ZFAND3: variants seen among roughly 807,000 people sequenced by gnomAD.
ZFAND3 encodes AN1-type zinc finger protein 3.
A neutral mutation model predicts 29.6 loss-of-function variants in ZFAND3; 10 were observed. That is an observed-to-expected ratio of 0.34 (90% confidence interval 0.21 to 0.57). ZFAND3 has a LOEUF of 0.57. Among genes scored for constraint, ZFAND3 ranks in the 20% least tolerant of loss-of-function variants. The pLI, the probability that ZFAND3 is intolerant of heterozygous loss-of-function variation, is 0.86. For synonymous variants in ZFAND3, 128 were observed against 112.6 expected (o/e 1.14, Z -0.87); for missense variants, 230 against 304.5 (o/e 0.76, Z 1.82).
intron 3 of ZFAND3, among the ~76,000 whole-genome samples, chr6:38,074,146 C>CT (rs1250581835): frequency 5.9e-5 from 9 of 152,034 alleles, no homozygotes; most frequent in African/African-American, 2.2e-4. Flanking sequence ...TCCCCAAGTC[C>CT]CTCTTAGGGC....
At chr6:37,959,490 C>T (rs1250223337) in intron 2 of ZFAND3, among the ~76,000 whole-genome samples, 2 of 152,066 alleles carry the variant, frequency 1.3e-5, no homozygotes, top group East Asian at 3.8e-4. Context: ...TTAGCCTATT[C>T]TCTGTTGGTT....
At chr6:37,829,801 A>G (rs1763827925) in intron 1 of ZFAND3, among the ~76,000 whole-genome samples, 1 of 152,192 alleles carries the variant, frequency 6.6e-6, no homozygotes, top group African/African-American at 2.4e-5. Context: ...GATCTTCTTC[A>G]GGGAATATTG....
chr6:38,030,591 A>G (rs1363215549), intron 2 of ZFAND3, among the ~76,000 whole-genome samples: 6 of 152,324 alleles, frequency 3.9e-5, no homozygotes, highest in East Asian at 3.9e-4. Context: ...TGATTGTTCA[A>G]CAGAAACAAT....
At chr6:38,080,887 A>G (rs1764648432) in intron 3 of ZFAND3, among the ~76,000 whole-genome samples, 1 of 152,182 alleles carries the variant, frequency 6.6e-6, no homozygotes, top group South Asian at 2.1e-4. Context: ...ATTTTAGTCC[A>G]TTACACTTTA....
At chr6:38,079,784 G>A (rs1392710486) in intron 3 of ZFAND3, among the ~76,000 whole-genome samples, 2 of 152,090 alleles carry the variant, frequency 1.3e-5, no homozygotes, top group East Asian at 3.8e-4. Flanking sequence ...TTTACATTGT[G>A]CTCAGCTGGT....
intron 1 of ZFAND3, among the ~76,000 whole-genome samples, chr6:37,896,514 T>TCTTCTTTCTTTCTTTC (rs1554153802): frequency 9.2e-6 from 1 of 109,100 alleles, no homozygotes; most frequent in Non-Finnish European, 1.9e-5. Flanking sequence ...TTCCTCTTTC[T>TCTTCTTTCTTTCTTTC]TTTCTTTCTT....
chr6:38,014,261 A>G (rs752180742), intron 2 of ZFAND3, among the ~76,000 whole-genome samples: 5 of 152,050 alleles, frequency 3.3e-5, no homozygotes, highest in African/African-American at 7.2e-5. Context: ...TTGTTAACAC[A>G]GATAAATCAC....
chr6:38,134,200 T>C (rs955657229), intron 5 of ZFAND3, among the ~76,000 whole-genome samples: 5 of 152,208 alleles, frequency 3.3e-5, no homozygotes, highest in African/African-American at 1.2e-4. Context: ...CTGGGTAATA[T>C]GAGACACAGT....
intron 1 of ZFAND3, among the ~76,000 whole-genome samples, chr6:37,903,568 G>C (rs1765357147): frequency 6.6e-6 from 1 of 152,210 alleles, no homozygotes; most frequent in Admixed American, 6.5e-5. Context: ...AGATGGAATA[G>C]CAAGAGTATG....
intron 2 of ZFAND3, among the ~76,000 whole-genome samples, chr6:37,972,196 A>G (rs1307619977): frequency 1.8e-4 from 28 of 152,124 alleles, no homozygotes; most frequent in Non-Finnish European, 2.9e-5. Flanking sequence ...CACTCAGCAC[A>G]TTACCCATTT....
Position 38,154,484 on chromosome 6 carries a change from A to G in ZFAND3, c.*2095A>G, listed in dbSNP as rs1368018699. 2.0e-6 allele frequency: 2 copies of G among 983,920 alleles called. No homozygotes were observed. Among genetic ancestry groups the G allele is most frequent in the Admixed American group, 6.1e-5 (1 of 16,268 alleles). 60.9% of individuals were successfully genotyped at this position (983,920 alleles called of 1,614,324 possible). Reference sequence around the variant, plus strand: ...TCTTTAAAAGAGAAAATCTTATTTAACCCTTTTGTGTTCTAGATTTACTTA... The same window carrying G: ...TCTTTAAAAGAGAAAATCTTATTTAGCCCTTTTGTGTTCTAGATTTACTTA... On this transcript the variant is annotated 3_prime_UTR_variant, in exon 6 of 6. Coordinates refer to ENST00000287218, the MANE Select transcript of ZFAND3 (RefSeq NM_021943.3).
At chr6:38,054,559 G>A (rs1396195592) in intron 2 of ZFAND3, among the ~76,000 whole-genome samples, 3 of 152,166 alleles carry the variant, frequency 2.0e-5, no homozygotes, top group African/African-American at 7.2e-5. Context: ...AAAGAAGATA[G>A]TCTGATTTTT....
intron 2 of ZFAND3, among the ~76,000 whole-genome samples, chr6:38,037,135 A>G (rs758233953): frequency 6.6e-6 from 1 of 152,218 alleles, no homozygotes; most frequent in Non-Finnish European, 1.5e-5. Context: ...TCAATCTTTT[A>G]GTGAATAGAG....
chr6:37,984,200 G>A (rs150577827), intron 2 of ZFAND3, among the ~76,000 whole-genome samples: 529 of 152,292 alleles, frequency 3.5e-3, no homozygotes, highest in Non-Finnish European at 5.9e-3. Context: ...GACCAATATG[G>A]TAATTGCAAG....
intron 1 of ZFAND3, 45 bp from the exon 2 acceptor site, chr6:37,929,914 G>A (rs1418730213): frequency 6.4e-7 from 1 of 1,556,988 alleles, no homozygotes; most frequent in Admixed American, 1.9e-5. Context: ...GAGTGATATG[G>A]AGTTTTTAGC....
chr6:38,150,011 C>T (rs2127499013), intron 5 of ZFAND3, among the ~76,000 whole-genome samples: 1 of 152,232 alleles, frequency 6.6e-6, no homozygotes, highest in Middle Eastern at 3.4e-3. Flanking sequence ...CTGCTGGTGC[C>T]CCTACCCTAA....
At chr6:38,067,178 T>C (rs1311387944) in intron 3 of ZFAND3, among the ~76,000 whole-genome samples, 2 of 152,218 alleles carry the variant, frequency 1.3e-5, no homozygotes. Context: ...GTCAGCCCTG[T>C]GGAACCCACT....
chr6:37,846,946 C>T (rs1012891438), intron 1 of ZFAND3, among the ~76,000 whole-genome samples: 4 of 151,802 alleles, frequency 2.6e-5, no homozygotes, highest in Admixed American at 2.0e-4. Flanking sequence ...TTCCTGACCT[C>T]GTGATCTGCC....
At chr6:37,993,958 A>G (rs1435267048) in intron 2 of ZFAND3, among the ~76,000 whole-genome samples, 1 of 152,214 alleles carries the variant, frequency 6.6e-6, no homozygotes, top group Non-Finnish European at 1.5e-5. Flanking sequence ...AGTGAATGTT[A>G]CCAGTAAAGA....
Sources: gnomAD v4.1 joint callset for allele counts (sites outside exome capture counted in the v4.1 genomes callset) on GRCh38, gnomAD v4.1.1 for gene constraint, MANE v1.5 for transcripts, NCBI Gene and HGNC (gene_info 2026-07-23, HGNC 2026-07-21) for gene names.